GPR55: variants seen among roughly 807,000 people sequenced by gnomAD.
GPR55 encodes the protein G protein-coupled receptor 55.
Under a neutral mutation model 7.9 loss-of-function variants are expected in GPR55, and 6 were observed. The ratio of observed to expected loss-of-function variants is 0.76; its 90% CI spans 0.41 to 1.49. The LOEUF (loss-of-function observed/expected upper bound fraction) is 1.49, where lower values mean the gene tolerates loss of function less well. Ranked by LOEUF, GPR55 falls within the 40% of genes most tolerant of loss-of-function variation. GPR55 has a pLI of 0.01. For missense variants in GPR55, 376 were observed against 406.0 expected, an observed-to-expected ratio of 0.93 and a Z score of 0.63; for synonymous variants, 183 against 166.8, an observed-to-expected ratio of 1.10 and a Z score of -0.75.
Position 230,910,873 on chromosome 2 carries a change from G to A in GPR55, c.90C>T (p.Thr30=). Residue 30 remains threonine, a synonymous_variant, in exon 2 of 2, where the codon ACC becomes ACT. Coordinates refer to ENST00000650999, the MANE Select transcript of GPR55 (RefSeq NM_005683.4). This position sits in a 1 kb window ranked among gnomAD's most constrained non-coding sequence, Gnocchi z 5.4. ...KTLQFAVHIP[T]FVLGLLLNLL... is the part of the protein sequence containing the mutation. The stretch of plus-strand genomic sequence containing the variant: ...GGTTGAGGAGCAGGCCCAGGACGAA[G>A]GTGGGGATGTGGACTGCAAACTGTA... The A allele has an allele frequency of 6.2e-7, 1 of 1,614,174 alleles. No homozygotes were observed. Among genetic ancestry groups the A allele is most frequent in the Non-Finnish European group, 8.5e-7 (1 of 1,180,010 alleles).
At chr2:230,957,391 G>C (rs1218688830) in intron 1 of GPR55, among the ~76,000 whole-genome samples, 1 of 152,226 alleles carries the variant, frequency 6.6e-6, no homozygotes, top group Non-Finnish European at 1.5e-5. Flanking sequence ...GGTGTCTCCA[G>C]CATGGATACG....
intron 1 of GPR55, among the ~76,000 whole-genome samples, chr2:230,942,511 T>TG (rs1272602304): frequency 6.6e-6 from 1 of 151,708 alleles, no homozygotes; most frequent in African/African-American, 2.4e-5. Flanking sequence ...GAGGCAGGTG[T>TG]GGGGGGAGAG....
intron 1 of GPR55, among the ~76,000 whole-genome samples, chr2:230,952,828 C>G (rs1478218994): frequency 1.3e-5 from 2 of 152,206 alleles, no homozygotes; most frequent in East Asian, 3.8e-4. Flanking sequence ...CCTTCTCTCT[C>G]CCCCTCCTCT....
At chr2:230,943,621 T>G (rs1337094226) in intron 1 of GPR55, among the ~76,000 whole-genome samples, 1 of 152,228 alleles carries the variant, frequency 6.6e-6, no homozygotes, top group African/African-American at 2.4e-5. Flanking sequence ...AAATCTCATG[T>G]TGAACTGTCA....
At chr2:230,960,396 C>T (rs1441344326) in intron 1 of GPR55, among the ~76,000 whole-genome samples, 1 of 152,164 alleles carries the variant, frequency 6.6e-6, no homozygotes, top group Non-Finnish European at 1.5e-5. Context: ...GAATCATAGA[C>T]CTGAAAGCCA....
In GPR55 at chr2:230,908,995, T is replaced by A. The variant is rs1690518827; in HGVS notation, c.*1008A>T. On this transcript the variant is annotated 3_prime_UTR_variant, in exon 2 of 2. Transcript: ENST00000650999. ...ACGGGTGCCAGCTGCCCAGCCAGGATGCAGGTGAGTAAGACAGCACCTCCT... is the reference window on the plus strand; with the variant it reads ...ACGGGTGCCAGCTGCCCAGCCAGGAAGCAGGTGAGTAAGACAGCACCTCCT... 6.6e-6 allele frequency: 1 copy of A among 152,336 alleles called. No homozygotes were observed. The highest frequency in any genetic ancestry group is 1.9e-4 in the East Asian group (1 of 5,192). The allele number at this position is 152,336 out of a possible 1,614,324, so 9.4% of individuals were successfully genotyped here.
At chr2:230,935,315 C>G (rs376142076) in intron 1 of GPR55, among the ~76,000 whole-genome samples, 2 of 152,184 alleles carry the variant, frequency 1.3e-5, no homozygotes, top group East Asian at 3.8e-4. Context: ...CCAGCCCCAG[C>G]GCAGCCTCCT....
At chr2:230,931,429 T>C (rs1484497614) in intron 1 of GPR55, among the ~76,000 whole-genome samples, 1 of 152,120 alleles carries the variant, frequency 6.6e-6, no homozygotes, top group African/African-American at 2.4e-5. Flanking sequence ...ACCACGAGCT[T>C]GATGCAGAGC....
At chr2:230,945,166 C>A (rs564779102) in intron 1 of GPR55, among the ~76,000 whole-genome samples, 1 of 152,074 alleles carries the variant, frequency 6.6e-6, no homozygotes, top group South Asian at 2.1e-4. Context: ...AGGTGATCTG[C>A]GCAAAAAGAT....
In GPR55 at chr2:230,910,547, A is replaced by G. The variant is rs1434458648; in HGVS notation, c.416T>C (p.Phe139Ser). ...GACCCAGATGGTGCAGCAGATCCCA[A>G]AGATCTTCCTGGGGGACCGGAGGTG... ...VSHLRSPRKIFGICCTIWVLV... is the reference protein window; with the variant it reads ...VSHLRSPRKISGICCTIWVLV... The change falls in exon 2 of 2, where the codon TTT becomes TCT. Residue 139 changes from phenylalanine (F) to serine (S), a missense_variant. Coordinates refer to ENST00000650999, the MANE Select transcript of GPR55 (RefSeq NM_005683.4). This position sits in a 1 kb window ranked among gnomAD's most constrained non-coding sequence, Gnocchi z 5.4. 1.9e-6 allele frequency: 3 copies of G among 1,613,906 alleles called. No individual in the cohort carries two copies. The highest frequency in any genetic ancestry group is 1.1e-5 in the South Asian group (1 of 91,072).
chr2:230,911,212 A>AT, intron 1 of GPR55, 116 bp from the exon 2 acceptor site: 1 of 482,480 alleles, frequency 2.1e-6, no homozygotes, highest in Non-Finnish European at 3.8e-6. Context: ...CCATACACAC[A>AT]TTTTTCTTTG....
chr2:230,915,568 G>C (rs987769627), intron 1 of GPR55, among the ~76,000 whole-genome samples: 1 of 152,146 alleles, frequency 6.6e-6, no homozygotes. Context: ...GAGAGGTGGG[G>C]CTGAATTGAA....
At chr2:230,927,258 A>T (rs1035952738), upstream of GPR55, among the ~76,000 whole-genome samples, 1 of 152,000 alleles carries the variant, frequency 6.6e-6, no homozygotes, top group Non-Finnish European at 1.5e-5. Flanking sequence ...TAGAGACCAC[A>T]CGAGCTGCTC....
At chr2:230,929,583 C>T (rs1690999274), upstream of GPR55, 1 of 152,368 alleles carries the variant, frequency 6.6e-6, no homozygotes, top group Admixed American at 6.5e-5. Flanking sequence ...CATGATCCAG[C>T]CAATTCTTTT....
intron 1 of GPR55, among the ~76,000 whole-genome samples, chr2:230,947,631 G>A (rs756314890): frequency 1.5e-4 from 22 of 150,862 alleles, no homozygotes; most frequent in Non-Finnish European, 2.9e-4. Flanking sequence ...AGCCTCCCAC[G>A]TAGCTGGGAC....
At position 230,944,667 on chromosome 2, in the gene GPR55, T is replaced by C. The variant is rs1394476205; in HGVS notation, c.-135+16108A>G. ...CAGGAGTGGAGAGAATATAACTGAATGCTTTGTCACAAATTTACTTTGATC... is the reference window on the plus strand; with the variant it reads ...CAGGAGTGGAGAGAATATAACTGAACGCTTTGTCACAAATTTACTTTGATC... On this transcript the variant is annotated intron_variant, in intron 1 of 1. Transcript: ENST00000392039. This position sits in a 1 kb window ranked among gnomAD's most constrained non-coding sequence, Gnocchi z 4.2. Among the ~76,000 whole-genome samples, 1 of 152,226 alleles carries C rather than the reference T, an allele frequency of 6.6e-6. No homozygotes were observed. Among genetic ancestry groups the C allele is most frequent in the Non-Finnish European group, 1.5e-5 (1 of 68,046 alleles).
intron 1 of GPR55, among the ~76,000 whole-genome samples, chr2:230,933,228 G>C (rs554883252): frequency 6.6e-6 from 1 of 151,862 alleles, no homozygotes; most frequent in East Asian, 1.9e-4. Context: ...CTGCCTCTCT[G>C]CTCTTCACTC....
chr2:230,943,926 A>G (rs1691273451), intron 1 of GPR55, among the ~76,000 whole-genome samples: 1 of 152,240 alleles, frequency 6.6e-6, no homozygotes, highest in Non-Finnish European at 1.5e-5. Flanking sequence ...CAGTGAGCCA[A>G]TTAAACCTCT....
chr2:230,910,577 A>G lies in GPR55; in HGVS notation c.386T>C (p.Val129Ala). Reference protein sequence around the residue: ...RFLAIRYPLLVSHLRSPRKIF... With the variant: ...RFLAIRYPLLASHLRSPRKIF... ...CTTCCTGGGGGACCGGAGGTGGCTC[A>G]CCAGTAGCGGGTAACGGATGGCCAA... Residue 129 changes from valine to alanine, a missense_variant, in exon 2 of 2, where the codon GTG becomes GCG. Val to Ala is a moderately conservative substitution (Grantham distance 64). Coordinates refer to ENST00000650999, the MANE Select transcript of GPR55 (RefSeq NM_005683.4). The surrounding 1 kb of genome is among the most constrained non-coding windows in gnomAD (Gnocchi z 5.4). 1 of 1,613,950 alleles carries G rather than the reference A, an allele frequency of 6.2e-7. No individual in the cohort carries two copies. The highest frequency in any genetic ancestry group is 8.5e-7 in the Non-Finnish European group (1 of 1,179,866).
Sources: allele counts gnomAD v4.1 joint callset (sites outside exome capture counted in the v4.1 genomes callset), GRCh38; gene constraint gnomAD v4.1.1; non-coding constraint Gnocchi (gnomAD v3.1); transcripts MANE v1.5; gene names NCBI Gene and HGNC (gene_info 2026-07-23, HGNC 2026-07-21).